DLGAP2: variants seen among roughly 807,000 people sequenced by gnomAD.
The protein encoded by DLGAP2 is disks large-associated protein 2.
DLGAP2 carries 26 observed loss-of-function variants against 100.3 expected under a neutral mutation model. That is an observed-to-expected ratio of 0.26 (90% CI 0.19 to 0.36). DLGAP2 has a LOEUF of 0.36. DLGAP2 is among the 10% of genes least tolerant of loss of function. DLGAP2 has a pLI of 1.00. For missense variants in DLGAP2, 1,858 were observed against 1,453.2 expected (o/e 1.28, Z -4.53); for synonymous variants, 886 against 630.1 (o/e 1.41, Z -6.08).
chr8:1,276,832 A>G (rs1799707642), intron 3 of DLGAP2, among the ~76,000 whole-genome samples: 1 of 152,178 alleles, frequency 6.6e-6, no homozygotes, highest in Admixed American at 6.5e-5. Flanking sequence ...TTGGATGGGA[A>G]GACGTTATCA....
intron 8 of DLGAP2, among the ~76,000 whole-genome samples, chr8:1,661,902 C>T (rs1798417380): frequency 6.6e-6 from 1 of 152,332 alleles, no homozygotes; most frequent in Non-Finnish European, 1.5e-5. Context: ...GCCAGATCTC[C>T]TGCAAAGCCC....
At chr8:755,616 G>GA (rs1423050964) in intron 1 of DLGAP2, among the ~76,000 whole-genome samples, 3 of 152,228 alleles carry the variant, frequency 2.0e-5, no homozygotes, top group Non-Finnish European at 2.9e-5. Flanking sequence ...CGAGGGGCAG[G>GA]TGGGGGTGAA....
At chr8:1,489,433 G>T (rs112675585) in intron 3 of DLGAP2, among the ~76,000 whole-genome samples, 2 of 152,166 alleles carry the variant, frequency 1.3e-5, no homozygotes, top group Non-Finnish European at 2.9e-5. Context: ...GCAGTCACTC[G>T]GGGCTGACCC....
At chr8:875,834 G>A (rs752100536) in intron 1 of DLGAP2, among the ~76,000 whole-genome samples, 14 of 151,990 alleles carry the variant, frequency 9.2e-5, no homozygotes, top group Admixed American at 7.9e-4. Flanking sequence ...TCCCATATAT[G>A]TTTTAGCTTA....
At chr8:1,342,359 G>A (rs865842300) in intron 3 of DLGAP2, among the ~76,000 whole-genome samples, 8 of 152,110 alleles carry the variant, frequency 5.3e-5, no homozygotes, top group Admixed American at 3.3e-4. Context: ...CAGATGATGC[G>A]TTTAATTTGT....
chr8:1,384,264 C>T (rs1322405916), intron 3 of DLGAP2, among the ~76,000 whole-genome samples: 1 of 152,260 alleles, frequency 6.6e-6, no homozygotes, highest in South Asian at 2.1e-4. Context: ...ATTGTGACTG[C>T]ACAGTCGCTG....
At chr8:1,200,565 A>G (rs544458643) in intron 2 of DLGAP2, among the ~76,000 whole-genome samples, 49 of 152,244 alleles carry the variant, frequency 3.2e-4, no homozygotes, top group African/African-American at 1.1e-3. Flanking sequence ...ACCTCCGGAA[A>G]GAGCCTCCCG....
intron 1 of DLGAP2, among the ~76,000 whole-genome samples, chr8:817,528 G>A (rs749708876): frequency 6.6e-5 from 10 of 152,152 alleles, no homozygotes; most frequent in Admixed American, 2.0e-4. Flanking sequence ...TTTGGGGGTG[G>A]TAAATAACCT....
At chr8:1,668,067 C>A (rs1383689490) in intron 8 of DLGAP2, among the ~76,000 whole-genome samples, 2 of 152,226 alleles carry the variant, frequency 1.3e-5, no homozygotes, top group Non-Finnish European at 2.9e-5. Context: ...GATGCCACGC[C>A]TGCGTGCTGT....
At chr8:926,658 G>T (rs953203812) in intron 2 of DLGAP2, among the ~76,000 whole-genome samples, 81 of 152,352 alleles carry the variant, frequency 5.3e-4, no homozygotes, top group Middle Eastern at 3.4e-3. Flanking sequence ...CGTGGCCAGG[G>T]CATGAGCTGA....
At position 1,241,206 on chromosome 8, in the gene DLGAP2, G is replaced by T. The variant is rs1331026314; in HGVS notation, c.74-17645G>T. ...GTCTCGTTCTCTCACATGGAGCCAT[G>T]TCTAATTCTCTCACATGGCGCCGTG... is the stretch of plus-strand genomic sequence containing the variant. On this transcript the variant is annotated intron_variant, in intron 2 of 14. Coordinates refer to ENST00000637795, the MANE Select transcript of DLGAP2 (RefSeq NM_001346810.2). Among the ~76,000 whole-genome samples the T allele has an allele frequency of 8.2e-5, 5 of 61,004 alleles. No individual in the cohort carries two copies. In the East Asian group the frequency reaches 4.6e-3, roughly 57 times the overall value. 40.0% of individuals were successfully genotyped at this position (61,004 alleles called of 152,430 possible).
rs544817245 is a variant in DLGAP2 at position 1,630,792 on chromosome 8, G to A, written c.1591-2035G>A. On this transcript the variant is annotated intron_variant, in intron 7 of 14. Transcript: ENST00000637795. ...ATTAAAAATCTAACTGAAGTCTTGTGAGAGGTGCTTATGTCCATGCCGTTT... is the reference window on the plus strand; with the variant it reads ...ATTAAAAATCTAACTGAAGTCTTGTAAGAGGTGCTTATGTCCATGCCGTTT... Among the ~76,000 whole-genome samples, 5 of 152,250 alleles carry A rather than the reference G, an allele frequency of 3.3e-5. No individual in the cohort carries two copies. In the South Asian group the frequency reaches 1.0e-3, roughly 32 times the overall value.
In DLGAP2 at chr8:1,247,736, G is replaced by A. The variant is rs544284539; in HGVS notation, c.74-11115G>A. On this transcript the variant is annotated intron_variant, in intron 2 of 14. Transcript: ENST00000637795. Reference sequence around the variant, plus strand: ...GGAGTAATGGCCCATGTTGGTGGCCGGCAAGACCTTTGAGATCAGTGTGGG... The same window carrying A: ...GGAGTAATGGCCCATGTTGGTGGCCAGCAAGACCTTTGAGATCAGTGTGGG... 2.5e-4 allele frequency among the ~76,000 whole-genome samples: 2 copies of A among 7,904 alleles called. 1 individual carries two copies. The highest frequency in any genetic ancestry group is 8.3e-3 in the South Asian group (2 of 242). The allele number at this position is 7,904 out of a possible 152,430, so 5.2% of individuals were successfully genotyped here.
At chr8:1,313,660 G>A (rs367998816) in intron 3 of DLGAP2, among the ~76,000 whole-genome samples, 8 of 152,228 alleles carry the variant, frequency 5.3e-5, no homozygotes, top group East Asian at 1.9e-4. Flanking sequence ...GCTCTGTCCC[G>A]GGATACCTCA....
intron 1 of DLGAP2, among the ~76,000 whole-genome samples, chr8:897,065 C>T (rs1464058199): frequency 6.6e-6 from 1 of 152,164 alleles, no homozygotes; most frequent in Non-Finnish European, 1.5e-5. Context: ...AGGAAACCCC[C>T]TCACTGGTGT....
chr8:914,234 G>A (rs1291847747), intron 2 of DLGAP2, among the ~76,000 whole-genome samples: 1 of 152,212 alleles, frequency 6.6e-6, no homozygotes, highest in African/African-American at 2.4e-5. Flanking sequence ...GGGAGGAAGC[G>A]AAGGCAGATG....
At chr8:1,161,798 C>T (rs1044989519) in intron 2 of DLGAP2, among the ~76,000 whole-genome samples, 4 of 151,890 alleles carry the variant, frequency 2.6e-5, no homozygotes, top group Admixed American at 1.3e-4. Flanking sequence ...TCCTGGAGGC[C>T]TGCTGGGGAT....
At chr8:782,871 A>G (rs1392165258) in intron 1 of DLGAP2, among the ~76,000 whole-genome samples, 1 of 152,184 alleles carries the variant, frequency 6.6e-6, no homozygotes, top group African/African-American at 2.4e-5. Flanking sequence ...CTCAGTTGTC[A>G]GGTGACAGAA....
chr8:1,157,351 C>A (rs541310884), intron 2 of DLGAP2, among the ~76,000 whole-genome samples: 3 of 152,116 alleles, frequency 2.0e-5, no homozygotes, highest in African/African-American at 7.2e-5. Flanking sequence ...CGACGACGGC[C>A]CTCAGGGAGT....
Sources: allele counts gnomAD v4.1 joint callset (sites outside exome capture counted in the v4.1 genomes callset), GRCh38; gene constraint gnomAD v4.1.1; transcripts MANE v1.5; gene names NCBI Gene and HGNC (gene_info 2026-07-23, HGNC 2026-07-21).